LZIC: variants seen among roughly 807,000 people sequenced by gnomAD.
The protein encoded by LZIC is leucine zipper and CTNNBIP1 domain containing, also known as protein LZIC.
In LZIC, 28 loss-of-function variants were observed where a neutral mutation model predicts 25.4. The observed-to-expected ratio is 1.10, with a 90% CI of 0.82 to 1.51. The LOEUF (loss-of-function observed/expected upper bound fraction) is 1.51, where lower values mean the gene tolerates loss of function less well. Among genes scored for constraint, LZIC ranks in the 40% most tolerant of loss-of-function variants. The pLI, the probability that LZIC is intolerant of heterozygous loss-of-function variation, is 0.00. For synonymous variants in LZIC, 65 were observed against 70.7 expected (o/e 0.92, Z 0.40); for missense variants, 170 against 211.1 (o/e 0.81, Z 1.21).
chr1:9,932,899 C>T lies in LZIC; in HGVS notation c.337-1G>A. 1 of 1,593,246 alleles carries T rather than the reference C, an allele frequency of 6.3e-7. No homozygotes were observed. Among genetic ancestry groups the T allele is most frequent in the Non-Finnish European group, 8.6e-7 (1 of 1,162,054 alleles). On this transcript the variant is annotated splice_acceptor_variant, in intron 5 of 7. Transcript: ENST00000377223. LOFTEE classifies it high-confidence loss of function. ...TTCCTACCATCAGATCTCTATCCATCTAAAACGTATGAATGCAAGGCATAT... is the reference window on the plus strand; with the variant it reads ...TTCCTACCATCAGATCTCTATCCATTTAAAACGTATGAATGCAAGGCATAT...
downstream of LZIC, among the ~76,000 whole-genome samples, chr1:9,925,879 C>G (rs1281253477): frequency 6.8e-6 from 1 of 146,500 alleles, no homozygotes; most frequent in East Asian, 2.0e-4. Context: ...TGAGCCACCA[C>G]TCATGCCTTT....
chr1:9,929,373 A>G lies in LZIC; in HGVS notation c.*1026T>C. 2.0e-6 allele frequency: 2 copies of G among 985,170 alleles called. No homozygotes were observed. The highest frequency in any genetic ancestry group is 2.4e-6 in the Non-Finnish European group (2 of 829,688). 61.0% of individuals were successfully genotyped at this position (985,170 alleles called of 1,614,324 possible). A position where few individuals can be genotyped will look rare whatever the true frequency, so the allele number is the denominator to read the frequency against. On this transcript the variant is annotated 3_prime_UTR_variant, in exon 8 of 8. Transcript: ENST00000377223. ...AATATAAAATGGCTAGAGCCTAAAA[A>G]ATAAGCTAATATACACGCATAGGGA...
chr1:9,932,435 C>T (rs1570634316), intron 6 of LZIC, among the ~76,000 whole-genome samples: 1 of 150,998 alleles, frequency 6.6e-6, no homozygotes, highest in Non-Finnish European at 1.5e-5. Flanking sequence ...GTAATCCCAA[C>T]ACTTTGGGAG....
Position 9,929,824 on chromosome 1 carries a change from AG to A in LZIC, c.*574del. 1 of 984,184 alleles carries A rather than the reference AG, an allele frequency of 1.0e-6. No individual in the cohort carries two copies. The highest frequency in any genetic ancestry group is 1.7e-5 in the African/African-American group (1 of 57,330). 61.0% of individuals were successfully genotyped at this position (984,184 alleles called of 1,614,324 possible). On this transcript the variant is annotated 3_prime_UTR_variant, in exon 8 of 8. Transcript: ENST00000377223. ...AAATGGTACAGAAATAAAATTCAAA[AG>A]ATACTAAACTGGGAGTCAGGACACC...
chr1:9,930,292 G>T lies in LZIC; in HGVS notation c.*107C>A. On this transcript the variant is annotated 3_prime_UTR_variant, in exon 8 of 8. Coordinates refer to ENST00000377223, the MANE Select transcript of LZIC (RefSeq NM_032368.5). Reference sequence around the variant, plus strand: ...TTATGTCGCTTTTTCTTAGGTTATTGATGCATTTCCAGAATCTCTTCATTT... The same window carrying T: ...TTATGTCGCTTTTTCTTAGGTTATTTATGCATTTCCAGAATCTCTTCATTT... The T allele has an allele frequency of 6.4e-7, 1 of 1,554,964 alleles. No individual in the cohort carries two copies. Among genetic ancestry groups the T allele is most frequent in the South Asian group, 1.2e-5 (1 of 82,430 alleles).
At chr1:9,938,041 T>A (rs1640538551) in intron 2 of LZIC, among the ~76,000 whole-genome samples, 1 of 151,934 alleles carries the variant, frequency 6.6e-6, no homozygotes, top group South Asian at 2.1e-4. Flanking sequence ...TAAACAAATT[T>A]GGTAAATGGA....
rs1640105891 is a variant in LZIC, at chr1:9,929,026, G to A, written c.*1373C>T. ...TTAGTGGCTATTGTTAGCAGTCGGA[G>A]GAGAAGGGAATGGGGACTAACTGCT... On this transcript the variant is annotated 3_prime_UTR_variant, in exon 8 of 8. Transcript: ENST00000377223. The A allele has an allele frequency of 1.3e-5, 2 of 152,290 alleles. No homozygotes were observed. Among genetic ancestry groups the A allele is most frequent in the Non-Finnish European group, 1.5e-5 (1 of 68,178 alleles). The allele number at this position is 152,290 out of a possible 1,614,324, so 9.4% of individuals were successfully genotyped here.
chr1:9,922,950 A>G (rs1347925563), downstream of LZIC, among the ~76,000 whole-genome samples: 1 of 152,204 alleles, frequency 6.6e-6, no homozygotes, highest in Non-Finnish European at 1.5e-5. Flanking sequence ...TAACACATAC[A>G]TTCCCACCAA....
downstream of LZIC, among the ~76,000 whole-genome samples, chr1:9,924,663 T>A (rs937812048): frequency 6.6e-6 from 1 of 152,154 alleles, no homozygotes. Context: ...CTAATTTTTG[T>A]GTTTTTTTGT....
intron 5 of LZIC, among the ~76,000 whole-genome samples, chr1:9,934,117 T>TA (rs1640353694): frequency 1.3e-5 from 2 of 151,354 alleles, no homozygotes; most frequent in Admixed American, 1.3e-4. Flanking sequence ...TAGTCCCAGC[T>TA]ACTCAGGAGG....
intron 3 of LZIC, 34 bp downstream of exon 3, chr1:9,936,485 T>A: frequency 1.3e-6 from 2 of 1,499,720 alleles, no homozygotes; most frequent in Non-Finnish European, 1.9e-6. Context: ...AAAACGCCAG[T>A]TTCCAGCATA....
chr1:9,926,687 T>G lies in LZIC; in HGVS notation c.*3712A>C, dbSNP rs1351501167. Among the ~76,000 whole-genome samples, 5 of 152,236 alleles carry G rather than the reference T, an allele frequency of 3.3e-5. No individual in the cohort carries two copies. Among genetic ancestry groups the G allele is most frequent in the African/African-American group, 1.2e-4 (5 of 41,464 alleles). On this transcript the variant is annotated 3_prime_UTR_variant, in exon 8 of 8. Transcript: ENST00000377223. ...TTGCTCATTGGAACTTATTTCTGCT[T>G]CAGCTCTAGTTCTTTGAGAAACACA... is the stretch of plus-strand genomic sequence containing the variant.
In LZIC at chr1:9,933,173, TGAACC is replaced by T. The variant is rs1640301902; in HGVS notation, c.337-280_337-276del. Among the ~76,000 whole-genome samples, 5 of 139,496 alleles carry T rather than the reference TGAACC, an allele frequency of 3.6e-5. No homozygotes were observed. In the South Asian group the frequency reaches 1.1e-3, roughly 31 times the overall value. 91.5% of individuals were successfully genotyped at this position (139,496 alleles called of 152,430 possible). A position where few individuals can be genotyped will look rare whatever the true frequency, so the allele number is the denominator to read the frequency against. ...AGGAGGCTGAGGCCGGAGAATGGTG[TGAACC>T]CGGGAGGTGGAGCTTGCAGTGAGCC... On this transcript the variant is annotated intron_variant, in intron 5 of 7. Coordinates refer to ENST00000377223, the MANE Select transcript of LZIC (RefSeq NM_032368.5).
In LZIC at chr1:9,926,522, T is replaced by A. The variant is rs1639990827; in HGVS notation, c.*3877A>T. On this transcript the variant is annotated 3_prime_UTR_variant, in exon 8 of 8. Coordinates refer to ENST00000377223, the MANE Select transcript of LZIC (RefSeq NM_032368.5). ...AACTCTTCCTGGGAACAATTCCTCA[T>A]TCTGTTACTTGATTTCTTCCTTTAC... Among the ~76,000 whole-genome samples, 1 of 152,224 alleles carries A rather than the reference T, an allele frequency of 6.6e-6. No homozygotes were observed. Among genetic ancestry groups the A allele is most frequent in the African/African-American group, 2.4e-5 (1 of 41,456 alleles).
rs12047074 is a variant in LZIC, at chr1:9,932,559, T to C, written c.432+244A>G. On this transcript the variant is annotated intron_variant, in intron 6 of 7. Transcript: ENST00000377223. Reference sequence around the variant, plus strand: ...TTAGCCAGGCGTAGTGGTGGGCACCTGTAATCCCAGCTACTCAGGAGGCTG... The same window carrying C: ...TTAGCCAGGCGTAGTGGTGGGCACCCGTAATCCCAGCTACTCAGGAGGCTG... Among the ~76,000 whole-genome samples, 696 of 151,280 alleles carry C rather than the reference T, an allele frequency of 4.6e-3. 1 individual carries two copies. The highest frequency in any genetic ancestry group is 0.014 in the Middle Eastern group (4 of 294).
intron 3 of LZIC, among the ~76,000 whole-genome samples, chr1:9,936,128 CA>C (rs5772391): frequency 0.74 from 97,722 of 131,966 alleles, 36,658 homozygotes; most frequent in Admixed American, 0.86. Flanking sequence ...GACTCTGTCT[CA>C]AAAAAAAAAA....
intron 7 of LZIC, among the ~76,000 whole-genome samples, chr1:9,930,794 A>C (rs1173377465): frequency 6.6e-6 from 1 of 152,044 alleles, no homozygotes; most frequent in Non-Finnish European, 1.5e-5. Flanking sequence ...ATCTCGGCTC[A>C]CTGCAACTTC....
Position 9,930,501 on chromosome 1 carries a change from G to A in LZIC, c.515-44C>T, listed in dbSNP as rs201530461. ...AATAAACAAAAAGATTATTTCAAGT[G>A]CAGTTGCAATTCCTGGTAAAGTGGG... On this transcript the variant is annotated intron_variant, in intron 7 of 7. Coordinates refer to ENST00000377223, the MANE Select transcript of LZIC (RefSeq NM_032368.5). 267 of 1,606,156 alleles carry A rather than the reference G, an allele frequency of 1.7e-4. 2 individuals carry two copies. In the African/African-American group the frequency reaches 2.3e-3, roughly 14 times the overall value.
chr1:9,923,848 G>T (rs1341651631), downstream of LZIC, among the ~76,000 whole-genome samples: 3 of 151,918 alleles, frequency 2.0e-5, no homozygotes, highest in Admixed American at 2.0e-4. Context: ...TGCCTCCCAG[G>T]TTCAAGCGAT....
Sources: gnomAD v4.1 joint callset for allele counts (sites outside exome capture counted in the v4.1 genomes callset) on GRCh38, gnomAD v4.1.1 for gene constraint, MANE v1.5 for transcripts, NCBI Gene and HGNC (gene_info 2026-07-23, HGNC 2026-07-21) for gene names.